The following CD300LB variants were observed in gnomAD, a reference collection of about 807,000 sequenced individuals.
CD300LB encodes the protein CD300 molecule like family member b, also known as CMRF35-like molecule 7.
In CD300LB, 18 loss-of-function variants were observed where a neutral mutation model predicts 20.8. That is an observed-to-expected ratio of 0.87 (90% confidence interval 0.60 to 1.28). CD300LB has a LOEUF of 1.28. Ranked by LOEUF, CD300LB falls within the 50% of genes most tolerant of loss-of-function variation. The pLI is 0.00. For missense variants in CD300LB, 222 were observed against 251.8 expected, an observed-to-expected ratio of 0.88 and a Z score of 0.80; for synonymous variants, 91 against 91.3, an observed-to-expected ratio of 1.00 and a Z score of 0.02.
At position 74,525,855 on chromosome 17, in the gene CD300LB, G is replaced by A; in HGVS notation, c.263C>T (p.Thr88Ile). ...TCGCCTGAGCCCCTCCATGGTCACAGTGAACGTGCGGTCTTTCTGATTGTC... is the reference window on the plus strand; with the variant it reads ...TCGCCTGAGCCCCTCCATGGTCACAATGAACGTGCGGTCTTTCTGATTGTC... ...IKDNQKDRTF[T>I]VTMEGLRRDD... Residue 88 changes from threonine (T) to isoleucine (I), a missense_variant, in exon 2 of 4, where the codon ACT (threonine) becomes ATT (isoleucine). By Grantham distance (89) the Thr-to-Ile change is moderately conservative. Transcript: ENST00000392621. The A allele has an allele frequency of 6.2e-7, 1 of 1,614,134 alleles. No homozygotes were observed. Among genetic ancestry groups the A allele is most frequent in the Non-Finnish European group, 8.5e-7 (1 of 1,180,038 alleles).
In CD300LB at chr17:74,522,391, G is replaced by T. The variant is rs1907906864; in HGVS notation, c.*347C>A. On this transcript the variant is annotated 3_prime_UTR_variant, in exon 4 of 4. Transcript: ENST00000392621. ...TCCGGAATGATGGAAGTCTAGGGCT[G>T]GGGGGGTCTCCCCCAACCTCTTTCT... 5 of 1,024,690 alleles carry T rather than the reference G, an allele frequency of 4.9e-6. No homozygotes were observed. The highest frequency in any genetic ancestry group is 1.7e-5 in the African/African-American group (1 of 58,568). 63.5% of individuals were successfully genotyped at this position (1,024,690 alleles called of 1,614,324 possible). A position where few individuals can be genotyped will look rare whatever the true frequency, so the allele number is the denominator to read the frequency against.
intron 3 of CD300LB, 76 bp downstream of exon 3, chr17:74,523,503 G>T: frequency 9.8e-7 from 1 of 1,023,094 alleles, no homozygotes; most frequent in Non-Finnish European, 1.6e-6. Flanking sequence ...TTTGGTGACA[G>T]GCAGGAGTTC....
chr17:74,523,314 A>C (rs972782926), intron 3 of CD300LB: 3 of 554,266 alleles, frequency 5.4e-6, no homozygotes, highest in Non-Finnish European at 9.8e-6. Flanking sequence ...GGCACCCATT[A>C]GGCCACCAAT....
chr17:74,524,195 A>C (rs1265004466), intron 2 of CD300LB, among the ~76,000 whole-genome samples: 3 of 152,240 alleles, frequency 2.0e-5, no homozygotes, highest in Non-Finnish European at 4.4e-5. Context: ...TGTTGGGGGC[A>C]GTCTGGTCAG....
chr17:74,525,678 G>T, intron 2 of CD300LB, 70 bp downstream of exon 2: 3 of 1,301,432 alleles, frequency 2.3e-6, no homozygotes, highest in Non-Finnish European at 3.3e-6. Flanking sequence ...TTGGAGGGGA[G>T]CAGGTAAGAG....
chr17:74,523,847 C>T (rs1157599409), intron 2 of CD300LB, among the ~76,000 whole-genome samples, 196 bp from the exon 3 acceptor site: 1 of 152,176 alleles, frequency 6.6e-6, no homozygotes, highest in Non-Finnish European at 1.5e-5. Context: ...TTTTCCTCAT[C>T]ATGTTCAGAT....
Position 74,525,875 on chromosome 17 carries a change from A to C in CD300LB, c.243T>G (p.Asn81Lys), listed in dbSNP as rs1416846762. 2.5e-6 allele frequency: 4 copies of C among 1,613,954 alleles called. No individual in the cohort carries two copies. The highest frequency in any genetic ancestry group is 3.4e-6 in the Non-Finnish European group (4 of 1,180,010). ...TCACAGTGAACGTGCGGTCTTTCTG[A>C]TTGTCCTTGATGGACACACGGTCAC... ...EKSDRVSIKD[N>K]QKDRTFTVTM... Residue 81 changes from asparagine (N) to lysine (K), a missense_variant, in exon 2 of 4, where the codon AAT becomes AAG. Physicochemically the swap from Asn to Lys is moderately conservative, Grantham distance 94. Transcript: ENST00000392621.
In CD300LB at chr17:74,521,383, G is replaced by A; in HGVS notation, c.*1355C>T. 1.0e-6 allele frequency: 1 copy of A among 985,608 alleles called. No individual in the cohort carries two copies. The highest frequency in any genetic ancestry group is 1.2e-6 in the Non-Finnish European group (1 of 830,050). 61.1% of individuals were successfully genotyped at this position (985,608 alleles called of 1,614,324 possible). On this transcript the variant is annotated 3_prime_UTR_variant, in exon 4 of 4. Coordinates refer to ENST00000392621, the MANE Select transcript of CD300LB (RefSeq NM_174892.4). Reference sequence around the variant, plus strand: ...TGGATCCAGGAAAGCATTCCAGGAGGTAGGGCCCTGGGGCTGGTGGACTGT... The same window carrying A: ...TGGATCCAGGAAAGCATTCCAGGAGATAGGGCCCTGGGGCTGGTGGACTGT...
Position 74,521,936 on chromosome 17 carries a change from G to C in CD300LB, c.*802C>G, listed in dbSNP as rs1199971033. 1.0e-6 allele frequency: 1 copy of C among 985,312 alleles called. No individual in the cohort carries two copies. Among genetic ancestry groups the C allele is most frequent in the Non-Finnish European group, 1.2e-6 (1 of 829,926 alleles). The allele number at this position is 985,312 out of a possible 1,614,324, so 61.0% of individuals were successfully genotyped here. A position where few individuals can be genotyped will look rare whatever the true frequency, so the allele number is the denominator to read the frequency against. On this transcript the variant is annotated 3_prime_UTR_variant, in exon 4 of 4. Coordinates refer to ENST00000392621, the MANE Select transcript of CD300LB (RefSeq NM_174892.4). ...GGTGCCATTTCCTGCGATGGTTTTCGTTACTGCCCTCCCCACCTGGAGGTG... is the reference window on the plus strand; with the variant it reads ...GGTGCCATTTCCTGCGATGGTTTTCCTTACTGCCCTCCCCACCTGGAGGTG...
rs1304867665 is a variant in CD300LB, at chr17:74,521,437, G to A, written c.*1301C>T. ...TCTTGGTCCCTCACAGAATGACTCA[G>A]GGGATCTTAGCCGGGCTCGAACTCT... On this transcript the variant is annotated 3_prime_UTR_variant, in exon 4 of 4. Transcript: ENST00000392621. The A allele has an allele frequency of 4.1e-6, 4 of 985,392 alleles. No homozygotes were observed. The highest frequency in any genetic ancestry group is 5.2e-4 in the Middle Eastern group (1 of 1,936). 61.0% of individuals were successfully genotyped at this position (985,392 alleles called of 1,614,324 possible). A position where few individuals can be genotyped will look rare whatever the true frequency, so the allele number is the denominator to read the frequency against.
At chr17:74,522,987 A>G (rs1907929395) in intron 3 of CD300LB, 87 bp from the exon 4 acceptor site, 10 of 1,340,454 alleles carry the variant, frequency 7.5e-6, no homozygotes, top group Non-Finnish European at 9.2e-6. Context: ...CACCAGCCAA[A>G]GCCTGTGACC....
At chr17:74,527,300 A>T (rs144374891) in intron 1 of CD300LB, among the ~76,000 whole-genome samples, 123 of 152,342 alleles carry the variant, frequency 8.1e-4, no homozygotes, top group African/African-American at 2.7e-3. Flanking sequence ...TTTCTTGATC[A>T]CGCAGAAGTG....
chr17:74,531,313 G>C lies in CD300LB; in HGVS notation c.38C>G (p.Ser13Ter). ...LPPALLLLSL[S>*]GCFSIQGPES... ...CCCAAGGCCCCAGCCCCACTCACCT[G>C]AGAGGCTGAGAAGGAGCAGAGCAGG... The change falls in exon 1 of 4, where the codon TCA becomes TGA. Residue 13 changes from serine (S) to a stop codon, truncating the protein, a stop_gained and splice_region_variant. Transcript: ENST00000392621. LOFTEE classifies it high-confidence loss of function. 1 of 1,586,286 alleles carries C rather than the reference G, an allele frequency of 6.3e-7. No homozygotes were observed. The highest frequency in any genetic ancestry group is 1.7e-4 in the Middle Eastern group (1 of 5,920).
intron 1 of CD300LB, among the ~76,000 whole-genome samples, 190 bp from the exon 2 acceptor site, chr17:74,526,267 T>A (rs1043112313): frequency 6.6e-6 from 1 of 152,150 alleles, no homozygotes; most frequent in Non-Finnish European, 1.5e-5. Context: ...CGATTCCTCA[T>A]CCCCATCTCC....
Position 74,525,728 on chromosome 17 carries a change from G to A in CD300LB, c.370+20C>T. ...GCCCTGAGCTCCAGGGCCTCCTTGTGTAGATGAGAAAGTTCTTACCTGGGT... is the reference window on the plus strand; with the variant it reads ...GCCCTGAGCTCCAGGGCCTCCTTGTATAGATGAGAAAGTTCTTACCTGGGT... On this transcript the variant is annotated intron_variant, in intron 2 of 3. Coordinates refer to ENST00000392621, the MANE Select transcript of CD300LB (RefSeq NM_174892.4). 1 of 1,606,108 alleles carries A rather than the reference G, an allele frequency of 6.2e-7. No individual in the cohort carries two copies. The highest frequency in any genetic ancestry group is 8.5e-7 in the Non-Finnish European group (1 of 1,174,866).
chr17:74,526,297 C>T (rs1209836364), intron 1 of CD300LB, among the ~76,000 whole-genome samples: 1 of 152,248 alleles, frequency 6.6e-6, no homozygotes, highest in Admixed American at 6.5e-5. Flanking sequence ...CATTCCCCCA[C>T]CAGCTTCTAG....
Position 74,522,463 on chromosome 17 carries a change from A to C in CD300LB, c.*275T>G. 1 of 1,177,376 alleles carries C rather than the reference A, an allele frequency of 8.5e-7. No homozygotes were observed. 72.9% of individuals were successfully genotyped at this position (1,177,376 alleles called of 1,614,324 possible). On this transcript the variant is annotated 3_prime_UTR_variant, in exon 4 of 4. Coordinates refer to ENST00000392621, the MANE Select transcript of CD300LB (RefSeq NM_174892.4). ...TGCCCGAGTTATTCCAGCAGTGGGG[A>C]CAGAGTCGTCCAGTGCTTGAGCTCC...
intron 1 of CD300LB, among the ~76,000 whole-genome samples, chr17:74,529,847 G>A (rs1908148345): frequency 2.0e-5 from 3 of 152,160 alleles, no homozygotes; most frequent in Admixed American, 2.0e-4. Context: ...GGATTTGTCA[G>A]CAATCACTAA....
chr17:74,528,698 G>A (rs935451767), intron 1 of CD300LB, among the ~76,000 whole-genome samples: 2 of 152,094 alleles, frequency 1.3e-5, no homozygotes, highest in Non-Finnish European at 2.9e-5. Context: ...ACATCAGAGA[G>A]AGTGTGAGCT....
Sources: gnomAD v4.1 joint callset for allele counts (sites outside exome capture counted in the v4.1 genomes callset) on GRCh38, gnomAD v4.1.1 for gene constraint, MANE v1.5 for transcripts, NCBI Gene and HGNC (gene_info 2026-07-23, HGNC 2026-07-21) for gene names.